The following NEK7 variants were observed in gnomAD, a reference collection of about 807,000 sequenced individuals.
NEK7 encodes NIMA related kinase 7, also known as serine/threonine-protein kinase Nek7.
NEK7 carries 18 observed loss-of-function variants against 44.6 expected under a neutral mutation model. The observed-to-expected ratio is 0.40, with a 90% CI of 0.28 to 0.60. NEK7 has a LOEUF of 0.60. NEK7 is among the 20% of genes least tolerant of loss of function. NEK7 has a pLI of 0.38. For synonymous variants in NEK7, 130 were observed against 121.1 expected, an observed-to-expected ratio of 1.07 and a Z score of -0.48; for missense variants, 256 against 366.5, an observed-to-expected ratio of 0.70 and a Z score of 2.46.
chr1:198,189,334 G>T (rs1347759046), intron 1 of NEK7, among the ~76,000 whole-genome samples: 1 of 152,094 alleles, frequency 6.6e-6, no homozygotes, highest in Non-Finnish European at 1.5e-5. Flanking sequence ...TATATTTAAA[G>T]CACAATTGAG....
chr1:198,319,499 C>T lies in NEK7; in HGVS notation c.886C>T (p.His296Tyr), dbSNP rs1262787048. 10 of 1,610,434 alleles carry T rather than the reference C, an allele frequency of 6.2e-6. No individual in the cohort carries two copies. The highest frequency in any genetic ancestry group is 8.5e-6 in the Non-Finnish European group (10 of 1,177,486). The stretch of plus-strand genomic sequence containing the variant: ...TGTTTATGACGTAGCAAAGAGGATG[C>T]ATGCATGCACTGCAAGCAGCTAAAC... ...TYVYDVAKRM[H>Y]ACTASS The change falls in exon 10 of 10, where the codon CAT becomes TAT. Residue 296 changes from histidine to tyrosine, a missense_variant. By Grantham distance (83) the His-to-Tyr change is moderately conservative. Coordinates refer to ENST00000367385, the MANE Select transcript of NEK7 (RefSeq NM_133494.3).
intron 9 of NEK7, among the ~76,000 whole-genome samples, chr1:198,311,982 T>C (rs997880582): frequency 6.6e-6 from 1 of 152,234 alleles, no homozygotes; most frequent in African/African-American, 2.4e-5. Flanking sequence ...TCTCTCTTTT[T>C]CTATTGATTG....
chr1:198,293,103 T>C (rs1332161852), intron 8 of NEK7, 64 bp downstream of exon 8: 5 of 855,814 alleles, frequency 5.8e-6, no homozygotes, highest in Non-Finnish European at 7.8e-6. Flanking sequence ...CCTCTATCCT[T>C]ATAGTATATA....
At chr1:198,230,233 A>T (rs1413132055) in intron 1 of NEK7, among the ~76,000 whole-genome samples, 2 of 152,160 alleles carry the variant, frequency 1.3e-5, no homozygotes, top group Non-Finnish European at 2.9e-5. Flanking sequence ...TGATTTTAAT[A>T]TTGGATTTCA....
chr1:198,269,609 T>C (rs1272229950), intron 5 of NEK7, among the ~76,000 whole-genome samples: 1 of 152,102 alleles, frequency 6.6e-6, no homozygotes, highest in Non-Finnish European at 1.5e-5. Flanking sequence ...ATCATAACAA[T>C]ATATTTCATT....
chr1:198,181,779 C>T (rs1664775387), intron 1 of NEK7, among the ~76,000 whole-genome samples: 1 of 152,062 alleles, frequency 6.6e-6, no homozygotes, highest in East Asian at 1.9e-4. Context: ...TGAAAAATTT[C>T]ACTGGATGAT....
At chr1:198,288,951 T>C (rs1363380086) in intron 7 of NEK7, among the ~76,000 whole-genome samples, 1 of 152,234 alleles carries the variant, frequency 6.6e-6, no homozygotes, top group Non-Finnish European at 1.5e-5. Flanking sequence ...AATTTTATTT[T>C]ATAAATGTCT....
intron 1 of NEK7, among the ~76,000 whole-genome samples, chr1:198,162,925 A>G (rs890033656): frequency 2.6e-5 from 4 of 152,172 alleles, no homozygotes; most frequent in African/African-American, 9.7e-5. Context: ...ATCTTTAAAT[A>G]CAGATTCAAA....
chr1:198,299,352 A>G (rs528749234), intron 9 of NEK7, among the ~76,000 whole-genome samples: 1 of 152,334 alleles, frequency 6.6e-6, no homozygotes, highest in East Asian at 1.9e-4. Flanking sequence ...CAGGAACTCA[A>G]TTTGTAAAAT....
Position 198,260,151 on chromosome 1 carries a change from T to C in NEK7, c.199-2424T>C, listed in dbSNP as rs145125427. Reference sequence around the variant, plus strand: ...TCTGTACTCAGGATCAGGTTATTCATATTAATAATTTGTGTGTAGAGTTAA... The same window carrying C: ...TCTGTACTCAGGATCAGGTTATTCACATTAATAATTTGTGTGTAGAGTTAA... On this transcript the variant is annotated intron_variant, in intron 3 of 9. Transcript: ENST00000367385. Among the ~76,000 whole-genome samples the C allele has an allele frequency of 1.3e-4, 20 of 152,310 alleles. No homozygotes were observed. The East Asian group carries it at 3.9e-3, about 29-fold the overall frequency.
At chr1:198,285,038 C>G (rs1654325560) in intron 7 of NEK7, among the ~76,000 whole-genome samples, 1 of 152,032 alleles carries the variant, frequency 6.6e-6, no homozygotes, top group Admixed American at 6.6e-5. Flanking sequence ...ACCTGACTGC[C>G]CCCGCTTCAC....
intron 2 of NEK7, among the ~76,000 whole-genome samples, chr1:198,250,785 G>A (rs1315944949): frequency 1.4e-5 from 2 of 146,188 alleles, no homozygotes; most frequent in Non-Finnish European, 3.0e-5. Context: ...TTTGGGCTGA[G>A]ACAATGGGGT....
chr1:198,282,150 A>G (rs1654219674), intron 7 of NEK7, among the ~76,000 whole-genome samples: 2 of 151,992 alleles, frequency 1.3e-5, no homozygotes, highest in Non-Finnish European at 1.5e-5. Context: ...TTACTCAACA[A>G]TTACTTCACA....
At chr1:198,272,020 A>G (rs188515822) in intron 5 of NEK7, among the ~76,000 whole-genome samples, 1 of 150,934 alleles carries the variant, frequency 6.6e-6, no homozygotes, top group East Asian at 2.0e-4. Context: ...TTATGTCTAC[A>G]TATGGTATGT....
intron 2 of NEK7, among the ~76,000 whole-genome samples, chr1:198,246,916 T>TA (rs371672798): frequency 2.3e-4 from 35 of 152,368 alleles, no homozygotes; most frequent in African/African-American, 7.5e-4. Flanking sequence ...TGACACAGAC[T>TA]ATTCCAGTGC....
chr1:198,179,665 G>A (rs967693522), intron 1 of NEK7, among the ~76,000 whole-genome samples: 9 of 152,118 alleles, frequency 5.9e-5, no homozygotes, highest in African/African-American at 2.2e-4. Flanking sequence ...TCTTTCTGTG[G>A]TCTTGAGGAC....
At position 198,253,128 on chromosome 1, in the gene NEK7, A is replaced by G. The variant is rs779405056; in HGVS notation, c.146A>G (p.Tyr49Cys). Reference protein sequence around the residue: ...KIGRGQFSEVYRAACLLDGVP... With the variant: ...KIGRGQFSEVCRAACLLDGVP... ...GGTCGCGGACAATTTAGTGAAGTTT[A>G]TAGAGCAGCCTGTCTCTTGGATGGA... The change falls in exon 3 of 10, where the codon TAT becomes TGT. Residue 49 changes from tyrosine to cysteine, a missense_variant. Tyr to Cys is a radical substitution (Grantham distance 194). Coordinates refer to ENST00000367385, the MANE Select transcript of NEK7 (RefSeq NM_133494.3). 1.2e-6 allele frequency: 2 copies of G among 1,612,482 alleles called. No homozygotes were observed. Among genetic ancestry groups the G allele is most frequent in the Non-Finnish European group, 1.7e-6 (2 of 1,178,720 alleles).
At chr1:198,287,125 G>T (rs967199043) in intron 7 of NEK7, among the ~76,000 whole-genome samples, 1 of 152,126 alleles carries the variant, frequency 6.6e-6, no homozygotes, top group Non-Finnish European at 1.5e-5. Context: ...TAATGGACGC[G>T]ACAGCTAGGG....
At chr1:198,288,077 A>G (rs1293501253) in intron 7 of NEK7, among the ~76,000 whole-genome samples, 2 of 152,218 alleles carry the variant, frequency 1.3e-5, no homozygotes, top group African/African-American at 2.4e-5. Context: ...TTTTGGTGCC[A>G]GGTGCCACCT....
Sources: gnomAD v4.1 joint callset for allele counts (sites outside exome capture counted in the v4.1 genomes callset) on GRCh38, gnomAD v4.1.1 for gene constraint, MANE v1.5 for transcripts, NCBI Gene and HGNC (gene_info 2026-07-23, HGNC 2026-07-21) for gene names.